CACNA1H: variants seen among roughly 807,000 people sequenced by gnomAD.
The protein encoded by CACNA1H is calcium voltage-gated channel subunit alpha1 H.
A neutral mutation model predicts 192.5 loss-of-function variants in CACNA1H; 149 were observed. The ratio of observed to expected loss-of-function variants is 0.77; its 90% confidence interval spans 0.68 to 0.89. The LOEUF (loss-of-function observed/expected upper bound fraction) is 0.89, where lower values mean the gene tolerates loss of function less well. Ranked by LOEUF, CACNA1H falls within the 40% of genes least tolerant of loss-of-function variation. CACNA1H has a pLI of 0.00. For missense variants in CACNA1H, 4,257 were observed against 3,423.5 expected, an observed-to-expected ratio of 1.24 and a Z score of -6.08; for synonymous variants, 2,202 against 1,475.2, an observed-to-expected ratio of 1.49 and a Z score of -11.29.
In CACNA1H at chr16:1,211,742, A is replaced by G. The variant is rs771043603; in HGVS notation, c.4503A>G (p.Ser1501=). ...CCCTGATGTCGCTGTTCGTGCTGTC[A>G]TCCAAGGATGGATGGGTGAACATCA... ...GQALMSLFVL[S]SKDGWVNIMY... Residue 1501 remains serine, a synonymous_variant, in exon 24 of 35, where the codon TCA becomes TCG. Transcript: ENST00000348261. 2.5e-6 allele frequency: 4 copies of G among 1,612,656 alleles called. No individual in the cohort carries two copies. Among genetic ancestry groups the G allele is most frequent in the Non-Finnish European group, 3.4e-6 (4 of 1,179,716 alleles).
intron 5 of CACNA1H, among the ~76,000 whole-genome samples, chr16:1,197,349 G>A (rs1284558738): frequency 2.6e-5 from 4 of 152,202 alleles, no homozygotes; most frequent in East Asian, 1.9e-4. Context: ...CAGTCTGCAC[G>A]CCGGCCTGGC....
intron 2 of CACNA1H, among the ~76,000 whole-genome samples, chr16:1,165,957 G>C (rs1445173815): frequency 6.6e-6 from 1 of 152,118 alleles, no homozygotes; most frequent in South Asian, 2.1e-4. Flanking sequence ...ACACCGGCCC[G>C]TGCATCTTTT....
chr16:1,194,866 C>A (rs537887105), intron 2 of CACNA1H, 106 bp from the exon 3 acceptor site: 10 of 807,188 alleles, frequency 1.2e-5, no homozygotes, highest in South Asian at 4.2e-5. Context: ...CACCCCCACG[C>A]GCGCACACCC....
At chr16:1,164,853 G>A (rs1202637517) in intron 2 of CACNA1H, among the ~76,000 whole-genome samples, 1 of 152,214 alleles carries the variant, frequency 6.6e-6, no homozygotes, top group African/African-American at 2.4e-5. Context: ...GTCTGGAGGA[G>A]GTGTGGGTGA....
intron 2 of CACNA1H, among the ~76,000 whole-genome samples, chr16:1,189,585 A>G (rs1966408126): frequency 6.6e-6 from 1 of 151,320 alleles, no homozygotes; most frequent in African/African-American, 2.4e-5. Flanking sequence ...TTTTTGTTAA[A>G]TATTTGTTAA....
At chr16:1,193,512 C>T (rs531168315) in intron 2 of CACNA1H, among the ~76,000 whole-genome samples, 1 of 152,384 alleles carries the variant, frequency 6.6e-6, no homozygotes, top group South Asian at 2.1e-4. Context: ...CCGCTGGGGT[C>T]GCAGTGGGTG....
At position 1,153,758 on chromosome 16, in the gene CACNA1H, C is replaced by G. The variant is rs904297221; in HGVS notation, c.21C>G (p.Ala7=). 18 of 1,214,612 alleles carry G rather than the reference C, an allele frequency of 1.5e-5. No homozygotes were observed. Among genetic ancestry groups the G allele is most frequent in the South Asian group, 3.6e-5 (1 of 27,544 alleles). 75.2% of individuals were successfully genotyped at this position (1,214,612 alleles called of 1,614,324 possible). A position where few individuals can be genotyped will look rare whatever the true frequency, so the allele number is the denominator to read the frequency against. MTEGAR[A]ADEVRVPLGA... The stretch of plus-strand genomic sequence containing the variant: ...CCACCATGACCGAGGGCGCACGGGC[C>G]GCCGACGAGGTCCGGGTGCCCCTGG... Residue 7 remains alanine (A), a synonymous_variant, in exon 2 of 35, where the codon GCC becomes GCG. Transcript: ENST00000348261.
chr16:1,221,259 C>T lies in CACNA1H; in HGVS notation c.*265C>T. 4.3e-6 allele frequency: 2 copies of T among 467,212 alleles called. No individual in the cohort carries two copies. Among genetic ancestry groups the T allele is most frequent in the South Asian group, 5.0e-5 (1 of 20,140 alleles). 28.9% of individuals were successfully genotyped at this position (467,212 alleles called of 1,614,324 possible). On this transcript the variant is annotated 3_prime_UTR_variant, in exon 35 of 35. Coordinates refer to ENST00000348261, the MANE Select transcript of CACNA1H (RefSeq NM_021098.3). Reference sequence around the variant, plus strand: ...CTGTGCGGGCAACTGGGTCAGCCTCCCGTCAGGAGAGAAGCCGCGTCTGTG... The same window carrying T: ...CTGTGCGGGCAACTGGGTCAGCCTCTCGTCAGGAGAGAAGCCGCGTCTGTG...
At chr16:1,214,329 T>A (rs1361843653) in intron 27 of CACNA1H, among the ~76,000 whole-genome samples, 4 of 152,230 alleles carry the variant, frequency 2.6e-5, no homozygotes, top group Non-Finnish European at 5.9e-5. Context: ...CCCAGCCTTT[T>A]AGAAGAAGGA....
At chr16:1,163,837 C>T (rs758016235) in intron 2 of CACNA1H, among the ~76,000 whole-genome samples, 2 of 152,222 alleles carry the variant, frequency 1.3e-5, no homozygotes, top group Non-Finnish European at 2.9e-5. Flanking sequence ...ATGCCACCTC[C>T]TCTCCCTGGG....
At chr16:1,160,870 C>A (rs908733045) in intron 2 of CACNA1H, among the ~76,000 whole-genome samples, 1 of 152,116 alleles carries the variant, frequency 6.6e-6, no homozygotes, top group Non-Finnish European at 1.5e-5. Context: ...ACCCGGGACG[C>A]CAGAGCACCC....
rs1481528865 is a variant in CACNA1H at position 1,206,294 on chromosome 16, G to T, written c.2789+5G>T. On this transcript the variant is annotated splice_donor_5th_base_variant and intron_variant, in intron 12 of 34. Coordinates refer to ENST00000348261, the MANE Select transcript of CACNA1H (RefSeq NM_021098.3). ...GCTCTTCATTTTCATCTTCAGGTGG[G>T]CGCAACCCCCCTCCCGGCCCGCCCA... 1 of 1,551,644 alleles carries T rather than the reference G, an allele frequency of 6.4e-7. No homozygotes were observed. Among genetic ancestry groups the T allele is most frequent in the East Asian group, 2.4e-5 (1 of 41,194 alleles).
intron 2 of CACNA1H, chr16:1,157,960 CTGCCCGTGCCT>C (rs1013639097): frequency 3.9e-5 from 6 of 152,386 alleles, no homozygotes; most frequent in African/African-American, 4.8e-5. Flanking sequence ...AGACCCTGGG[CTGCCCGTGCCT>C]TGCCCGTGGC....
In CACNA1H at chr16:1,220,226, CGAG is replaced by C. The variant is rs1567559045; in HGVS notation, c.6299_6301del (p.Glu2100del). ...AGGCCGAGGCCTCGGACCCAGCCGA[CGAG>C]GAGGTCAGCCACATCACCAGCTCCG... On this transcript the variant is annotated inframe_deletion, in exon 35 of 35. Transcript: ENST00000348261. 12 of 1,579,236 alleles carry C rather than the reference CGAG, an allele frequency of 7.6e-6. No homozygotes were observed. Among genetic ancestry groups the C allele is most frequent in the Admixed American group, 1.7e-5 (1 of 57,500 alleles).
chr16:1,194,671 G>A (rs570607549), intron 2 of CACNA1H, among the ~76,000 whole-genome samples: 2 of 152,160 alleles, frequency 1.3e-5, no homozygotes, highest in African/African-American at 2.4e-5. Flanking sequence ...CCTCACTACC[G>A]ATGCGGCCAG....
intron 9 of CACNA1H, among the ~76,000 whole-genome samples, chr16:1,203,794 C>T (rs1196891657): frequency 1.3e-5 from 2 of 152,196 alleles, no homozygotes; most frequent in Non-Finnish European, 2.9e-5. Context: ...CAGGGCCCTC[C>T]CTACTCCGGG....
chr16:1,218,031 G>C lies in CACNA1H; in HGVS notation c.5436G>C (p.Gly1812=). Reference sequence around the variant, plus strand: ...TGTCCACGGGGGACAACTGGAACGGGATCATGAAGGTACCCGCCGCGGCCA... The same window carrying C: ...TGTCCACGGGGGACAACTGGAACGGCATCATGAAGGTACCCGCCGCGGCCA... ...FRVSTGDNWN[G]IMKDTLRECS... The change falls in exon 32 of 35, where the codon GGG becomes GGC. Residue 1812 remains glycine, a synonymous_variant. Transcript: ENST00000348261. 5 of 1,598,648 alleles carry C rather than the reference G, an allele frequency of 3.1e-6. No homozygotes were observed. Among genetic ancestry groups the C allele is most frequent in the Non-Finnish European group, 4.3e-6 (5 of 1,172,434 alleles).
chr16:1,158,579 C>G (rs920981649), intron 2 of CACNA1H, among the ~76,000 whole-genome samples: 2 of 152,324 alleles, frequency 1.3e-5, no homozygotes, highest in East Asian at 3.9e-4. Flanking sequence ...GCAGGCTGAG[C>G]TCACCCTCCG....
At chr16:1,174,676 G>T (rs933777452) in intron 2 of CACNA1H, among the ~76,000 whole-genome samples, 4 of 152,170 alleles carry the variant, frequency 2.6e-5, no homozygotes, top group African/African-American at 9.7e-5. Context: ...GAGGAGAGGC[G>T]CCCAATGTTA....
Sources: gnomAD v4.1 joint callset for allele counts (sites outside exome capture counted in the v4.1 genomes callset) on GRCh38, gnomAD v4.1.1 for gene constraint, MANE v1.5 for transcripts, NCBI Gene and HGNC (gene_info 2026-07-23, HGNC 2026-07-21) for gene names.